The following WFS1 variants were observed in gnomAD, a reference collection of about 807,000 sequenced individuals.
The protein encoded by WFS1 is wolframin.
Under a neutral mutation model 68.5 loss-of-function variants are expected in WFS1, and 90 were observed. That is an observed-to-expected ratio of 1.31 (90% CI 1.11 to 1.56). WFS1 has a LOEUF of 1.56. Ranked by LOEUF, WFS1 falls within the 40% of genes most tolerant of loss-of-function variation. WFS1 has a pLI of 0.00. For missense variants in WFS1, 1,767 were observed against 1,232.6 expected (o/e 1.43, Z -6.49); for synonymous variants, 860 against 540.7 (o/e 1.59, Z -8.19).
In WFS1 at chr4:6,301,270, C is replaced by G; in HGVS notation, c.1475C>G (p.Pro492Arg). Reference sequence around the variant, plus strand: ...CTTGGCCAGACCTTCATCACCGTGCCTGTCGGCCACCTGGTCGTCCTCAAC... The same window carrying G: ...CTTGGCCAGACCTTCATCACCGTGCGTGTCGGCCACCTGGTCGTCCTCAAC... ...KVLGQTFITV[P>R]VGHLVVLNVS... Residue 492 changes from proline (P) to arginine (R), a missense_variant, in exon 8 of 8, where the codon CCT becomes CGT. Coordinates refer to ENST00000226760, the MANE Select transcript of WFS1 (RefSeq NM_006005.3). 6.2e-7 allele frequency: 1 copy of G among 1,611,380 alleles called. No individual in the cohort carries two copies. The highest frequency in any genetic ancestry group is 1.1e-5 in the South Asian group (1 of 91,088).
chr4:6,293,835 C>T lies in WFS1; in HGVS notation c.713-1206C>T, dbSNP rs151328278. Among the ~76,000 whole-genome samples, 958 of 152,280 alleles carry T rather than the reference C, an allele frequency of 6.3e-3. 7 individuals carry two copies. Among genetic ancestry groups the T allele is most frequent in the African/African-American group, 0.021 (880 of 41,556 alleles). ...TTGGTGACCACTCTCGTGTGTCAGA[C>T]GCCGTCCTGAACCCGCAAGCCCCCA... On this transcript the variant is annotated intron_variant, in intron 6 of 7. Transcript: ENST00000226760.
At chr4:6,299,178 CCTCT>C (rs1321763648) in intron 7 of WFS1, among the ~76,000 whole-genome samples, 7 of 152,214 alleles carry the variant, frequency 4.6e-5, no homozygotes, top group Non-Finnish European at 1.0e-4. Flanking sequence ...GGGCTCAGGG[CCTCT>C]GAGTTCTGCA....
chr4:6,297,184 ACT>A (rs1411224762), intron 7 of WFS1, among the ~76,000 whole-genome samples: 20 of 152,048 alleles, frequency 1.3e-4, no homozygotes, highest in South Asian at 2.1e-4. Context: ...AGTAAACAAG[ACT>A]CTGTTTCCCT....
chr4:6,280,537 AGCCTGTTCTGG>A (rs990392893), intron 2 of WFS1, among the ~76,000 whole-genome samples: 28 of 152,082 alleles, frequency 1.8e-4, no homozygotes, highest in Admixed American at 5.9e-4. Flanking sequence ...CCTGGCAGAG[AGCCTGTTCTGG>A]GCCTGTTCTG....
At position 6,301,654 on chromosome 4, in the gene WFS1, T is replaced by C. The variant is rs754112850; in HGVS notation, c.1859T>C (p.Val620Ala). 1.9e-6 allele frequency: 3 copies of C among 1,614,040 alleles called. No homozygotes were observed. The highest frequency in any genetic ancestry group is 2.2e-5 in the South Asian group (2 of 91,080). ...LRWWTKASFS[V>A]VGMVKSLTRS... ...TGGTGGACCAAGGCCAGCTTCTCTG[T>C]GGTGGGGATGGTGAAGTCCCTGACG... The change falls in exon 8 of 8, where the codon GTG becomes GCG. Residue 620 changes from valine to alanine, a missense_variant. Transcript: ENST00000226760.
intron 7 of WFS1, among the ~76,000 whole-genome samples, chr4:6,299,619 C>CGG (rs1553878048): frequency 4.6e-5 from 1 of 21,660 alleles, no homozygotes; most frequent in African/African-American, 2.4e-4. Context: ...AGGTAGGTTG[C>CGG]GTGTGTGTGT....
At chr4:6,279,131 G>C (rs1322025420) in intron 2 of WFS1, among the ~76,000 whole-genome samples, 1 of 152,192 alleles carries the variant, frequency 6.6e-6, no homozygotes, top group Non-Finnish European at 1.5e-5. Flanking sequence ...GGCCAAAGCA[G>C]GCCTGGCCCT....
chr4:6,270,894 T>C (rs952570841), intron 1 of WFS1, among the ~76,000 whole-genome samples: 10 of 152,182 alleles, frequency 6.6e-5, no homozygotes, highest in African/African-American at 2.4e-4. Context: ...CAGGGTTTGG[T>C]GCCAGCCCAG....
rs1263222128 is a variant in WFS1 at position 6,300,997 on chromosome 4, A to G, written c.1202A>G (p.His401Arg). Residue 401 changes from histidine (H) to arginine (R), a missense_variant, in exon 8 of 8, where the codon CAC (histidine) becomes CGC (arginine). Transcript: ENST00000226760. ...GCCGAGGTCAACTTCGGCTGGAACCACCTGGAGCCCTATGCCCATTTCCTG... is the reference window on the plus strand; with the variant it reads ...GCCGAGGTCAACTTCGGCTGGAACCGCCTGGAGCCCTATGCCCATTTCCTG... ...EQAEVNFGWN[H>R]LEPYAHFLLS... is the part of the protein sequence containing the mutation. 6.2e-7 allele frequency: 1 copy of G among 1,613,920 alleles called. No individual in the cohort carries two copies. Among genetic ancestry groups the G allele is most frequent in the South Asian group, 1.1e-5 (1 of 91,072 alleles).
At chr4:6,271,939 C>G (rs1166232900) in intron 1 of WFS1, among the ~76,000 whole-genome samples, 1 of 152,214 alleles carries the variant, frequency 6.6e-6, no homozygotes, top group Admixed American at 6.5e-5. Context: ...CTCCCAGCCA[C>G]CTGCGTGTTC....
rs1250693798 is a variant in WFS1, at chr4:6,277,559, A to G, written c.104A>G (p.Gln35Arg). 2 of 1,590,192 alleles carry G rather than the reference A, an allele frequency of 1.3e-6. No individual in the cohort carries two copies. Among genetic ancestry groups the G allele is most frequent in the Non-Finnish European group, 1.7e-6 (2 of 1,168,992 alleles). The change falls in exon 2 of 8, where the codon CAG (glutamine) becomes CGG (arginine). Residue 35 changes from glutamine (Q) to arginine (R), a missense_variant. Coordinates refer to ENST00000226760, the MANE Select transcript of WFS1 (RefSeq NM_006005.3). ...SRLNATASLE[Q>R]ERSERPRAPG... ...CTCAATGCCACAGCCTCGTTGGAGC[A>G]GGAGAGGAGCGAAAGGCCCCGAGCA...
At chr4:6,277,746 C>T (rs1043577857) in intron 2 of WFS1, 59 bp downstream of exon 2, 59 of 1,536,438 alleles carry the variant, frequency 3.8e-5, no homozygotes, top group Middle Eastern at 4.6e-4. Context: ...TGGGTGGGAA[C>T]GGGGTTCAGC....
At chr4:6,298,176 G>T (rs541715105) in intron 7 of WFS1, among the ~76,000 whole-genome samples, 2 of 152,232 alleles carry the variant, frequency 1.3e-5, no homozygotes, top group Non-Finnish European at 2.9e-5. Context: ...CCTGCTGTTC[G>T]CAAGGCCCCC....
At position 6,302,514 on chromosome 4, in the gene WFS1, C is replaced by T; in HGVS notation, c.*46C>T. ...CTTCCAGTGCATGTTGCCATGAGGC[C>T]TTTCCCCAGTGTGGCCCCAGCCCGA... On this transcript the variant is annotated 3_prime_UTR_variant, in exon 8 of 8. Coordinates refer to ENST00000226760, the MANE Select transcript of WFS1 (RefSeq NM_006005.3). 1.2e-6 allele frequency: 2 copies of T among 1,609,216 alleles called. No individual in the cohort carries two copies. The highest frequency in any genetic ancestry group is 1.1e-5 in the South Asian group (1 of 90,990).
chr4:6,272,269 A>G (rs1560398680), intron 1 of WFS1, among the ~76,000 whole-genome samples: 4 of 152,224 alleles, frequency 2.6e-5, no homozygotes, highest in Admixed American at 2.0e-4. Flanking sequence ...ACCTACCCTC[A>G]GTCCACACCT....
At chr4:6,288,935 G>A in intron 3 of WFS1, 52 bp from the exon 4 acceptor site, 1 of 1,591,854 alleles carries the variant, frequency 6.3e-7, no homozygotes, top group Non-Finnish European at 8.5e-7. Flanking sequence ...CAGGGAGCAT[G>A]GGGTGGGAGA....
rs775225199 is a variant in WFS1 at position 6,295,207 on chromosome 4, C to T, written c.861+18C>T. On this transcript the variant is annotated intron_variant, in intron 7 of 7. Transcript: ENST00000226760. ...GTCTGAAGGTGAGTGACCAAGACCC[C>T]GGTCAGGCCGGAGCCTGCCTCCCAA... 22 of 1,610,298 alleles carry T rather than the reference C, an allele frequency of 1.4e-5. No homozygotes were observed. Among genetic ancestry groups the T allele is most frequent in the East Asian group, 8.9e-5 (4 of 44,890 alleles).
In WFS1 at chr4:6,287,332, G is replaced by C. The variant is rs1479157792; in HGVS notation, c.315+157G>C. 5 of 692,058 alleles carry C rather than the reference G, an allele frequency of 7.2e-6. No homozygotes were observed. The highest frequency in any genetic ancestry group is 1.3e-5 in the Non-Finnish European group (5 of 386,616). 42.9% of individuals were successfully genotyped at this position (692,058 alleles called of 1,614,324 possible). On this transcript the variant is annotated intron_variant, in intron 3 of 7. Coordinates refer to ENST00000226760, the MANE Select transcript of WFS1 (RefSeq NM_006005.3). This position sits in a 1 kb window ranked among gnomAD's most constrained non-coding sequence, Gnocchi z 6.4. ...ACCCCACTTGAGCCCCATGTTGGTAGGGTGCCCATGTTCACTGTGCCAGTT... is the reference window on the plus strand; with the variant it reads ...ACCCCACTTGAGCCCCATGTTGGTACGGTGCCCATGTTCACTGTGCCAGTT...
intron 7 of WFS1, among the ~76,000 whole-genome samples, chr4:6,297,107 C>T (rs1211871436): frequency 1.3e-5 from 2 of 152,220 alleles, no homozygotes; most frequent in Non-Finnish European, 2.9e-5. Flanking sequence ...GGGATTCAGG[C>T]GTGAGACACT....
Sources: gnomAD v4.1 joint callset for allele counts (sites outside exome capture counted in the v4.1 genomes callset) on GRCh38, gnomAD v4.1.1 for gene constraint, Gnocchi (gnomAD v3.1) non-coding constraint, MANE v1.5 for transcripts, NCBI Gene and HGNC (gene_info 2026-07-23, HGNC 2026-07-21) for gene names.